Variants in BABAM2 observed in about 807,000 individuals in gnomAD.
BABAM2 encodes BRISC and BRCA1 A complex member 2, also known as BRISC and BRCA1-A complex member 2.
BABAM2 carries 31 observed loss-of-function variants against 54.7 expected under a neutral mutation model. The observed-to-expected ratio is 0.57, with a 90% CI of 0.43 to 0.77. BABAM2 has a LOEUF of 0.77. Ranked by LOEUF, BABAM2 falls within the 30% of genes least tolerant of loss-of-function variation. The pLI is 0.00. For missense variants in BABAM2, 364 were observed against 455.8 expected, an observed-to-expected ratio of 0.80 and a Z score of 1.83; for synonymous variants, 167 against 162.9, an observed-to-expected ratio of 1.03 and a Z score of -0.19.
intron 11 of BABAM2, chr2:28,307,562 G>GGTAA (rs1688668994): frequency 1.3e-5 from 2 of 151,836 alleles, no homozygotes; most frequent in Admixed American, 1.3e-4. Context: ...ACTTATCACA[G>GGTAA]CCTACCGTGA....
chr2:28,201,133 G>A (rs1293290588), intron 7 of BABAM2, among the ~76,000 whole-genome samples: 1 of 152,114 alleles, frequency 6.6e-6, no homozygotes, highest in Non-Finnish European at 1.5e-5. Flanking sequence ...AAGGATCCGT[G>A]TCCTGTGTTC....
intron 7 of BABAM2, among the ~76,000 whole-genome samples, chr2:28,154,467 G>A (rs757422182): frequency 6.6e-6 from 1 of 152,174 alleles, no homozygotes; most frequent in Non-Finnish European, 1.5e-5. Context: ...TGGCATTGCA[G>A]GGTATATCCT....
At chr2:28,173,299 T>C (rs1313654120) in intron 7 of BABAM2, among the ~76,000 whole-genome samples, 1 of 152,206 alleles carries the variant, frequency 6.6e-6, no homozygotes, top group Non-Finnish European at 1.5e-5. Context: ...ACTAACCACA[T>C]ATAAATAAGT....
At chr2:27,897,764 C>T (rs1055336321) in intron 2 of BABAM2, among the ~76,000 whole-genome samples, 9 of 152,032 alleles carry the variant, frequency 5.9e-5, no homozygotes, top group Non-Finnish European at 1.2e-4. Flanking sequence ...GAAATAGAGA[C>T]TGTATATAGG....
intron 3 of BABAM2, among the ~76,000 whole-genome samples, chr2:27,975,218 C>G (rs1671504652): frequency 6.6e-6 from 1 of 151,970 alleles, no homozygotes; most frequent in South Asian, 2.1e-4. Flanking sequence ...CCATCAAAAT[C>G]CCAGCAGGAT....
chr2:27,989,174 C>G (rs1439424423), intron 4 of BABAM2, among the ~76,000 whole-genome samples: 1 of 151,822 alleles, frequency 6.6e-6, no homozygotes, highest in Non-Finnish European at 1.5e-5. Flanking sequence ...CGTATTCACC[C>G]CATATTAAAG....
At chr2:28,076,294 G>T (rs1190486632) in intron 6 of BABAM2, among the ~76,000 whole-genome samples, 1 of 151,602 alleles carries the variant, frequency 6.6e-6, no homozygotes, top group Non-Finnish European at 1.5e-5. Flanking sequence ...GAAAAGAAAA[G>T]AAAATCTCAT....
rs187934417 is a variant in BABAM2, at chr2:28,026,628, T to A, written c.495+1208T>A. Among the ~76,000 whole-genome samples, 16 of 148,988 alleles carry A rather than the reference T, an allele frequency of 1.1e-4. No individual in the cohort carries two copies. The East Asian group carries it at 3.2e-3, about 29-fold the overall frequency. On this transcript the variant is annotated intron_variant, in intron 5 of 11. Coordinates refer to ENST00000379624, the MANE Select transcript of BABAM2 (RefSeq NM_199191.3). ...GGATACCATTAGGAGACATACCTGA[T>A]GTAGATGATGGGTTGATGGGTGCAG...
chr2:27,928,534 CA>C (rs1667873942), intron 2 of BABAM2, among the ~76,000 whole-genome samples: 1 of 152,044 alleles, frequency 6.6e-6, no homozygotes, highest in Non-Finnish European at 1.5e-5. Context: ...TACTTAAAGC[CA>C]AAATTTTTTG....
chr2:28,176,581 A>AAAAAAAAAAC (rs1674985186), intron 7 of BABAM2, among the ~76,000 whole-genome samples: 1 of 143,508 alleles, frequency 7.0e-6, no homozygotes, highest in African/African-American at 2.5e-5. Flanking sequence ...AAAAAAAAAA[A>AAAAAAAAAAC]AAAAAAAAAA....
At chr2:27,973,703 A>G (rs937620270) in intron 3 of BABAM2, among the ~76,000 whole-genome samples, 1 of 152,174 alleles carries the variant, frequency 6.6e-6, no homozygotes, top group Non-Finnish European at 1.5e-5. Flanking sequence ...CTGTGTGTGA[A>G]GTCTCAGGCT....
rs1364349391 is a variant in BABAM2 at position 28,325,895 on chromosome 2, G to A, written c.1089-12555G>A. Reference sequence around the variant, plus strand: ...ACAACCAGGCAAATAACACTTCAAAGCCCTAGAGAGACTCAGGGGAGGGGA... The same window carrying A: ...ACAACCAGGCAAATAACACTTCAAAACCCTAGAGAGACTCAGGGGAGGGGA... On this transcript the variant is annotated intron_variant, in intron 11 of 11. Transcript: ENST00000379624. The surrounding 1 kb of genome is among the most constrained non-coding windows in gnomAD (Gnocchi z 4.3). 1.3e-5 allele frequency among the ~76,000 whole-genome samples: 2 copies of A among 152,226 alleles called. No individual in the cohort carries two copies. Among genetic ancestry groups the A allele is most frequent in the African/African-American group, 4.8e-5 (2 of 41,462 alleles).
chr2:28,287,402 A>G (rs767120778), intron 10 of BABAM2, among the ~76,000 whole-genome samples: 10 of 152,154 alleles, frequency 6.6e-5, no homozygotes, highest in African/African-American at 9.7e-5. Flanking sequence ...CTCTTGCTCA[A>G]TTTCTTTCTG....
At chr2:28,250,846 G>T (rs4666044) in intron 10 of BABAM2, among the ~76,000 whole-genome samples, 60,935 of 151,932 alleles carry the variant, frequency 0.4, 13,935 homozygotes, top group East Asian at 0.99. Flanking sequence ...TGATCTACCC[G>T]CCATGGCTTC....
intron 6 of BABAM2, among the ~76,000 whole-genome samples, chr2:28,109,184 CTTTTTTT>C (rs764380110): frequency 2.0e-5 from 2 of 101,890 alleles, no homozygotes; most frequent in Admixed American, 1.1e-4. Flanking sequence ...GACACATACT[CTTTTTTT>C]TTTTTTTTTT....
At chr2:28,253,566 G>A (rs182750023) in intron 10 of BABAM2, among the ~76,000 whole-genome samples, 1 of 152,280 alleles carries the variant, frequency 6.6e-6, no homozygotes, top group East Asian at 1.9e-4. Context: ...AAATGACAGA[G>A]CTAGTGTTTA....
intron 3 of BABAM2, among the ~76,000 whole-genome samples, chr2:27,949,322 C>T (rs1274466025): frequency 6.6e-6 from 1 of 152,156 alleles, no homozygotes; most frequent in Non-Finnish European, 1.5e-5. Flanking sequence ...CACCTGAGGT[C>T]AGGAGTTTGA....
At chr2:27,985,151 A>G (rs1672314848) in intron 3 of BABAM2, among the ~76,000 whole-genome samples, 4 of 151,008 alleles carry the variant, frequency 2.6e-5, no homozygotes, top group South Asian at 2.1e-4. Context: ...GGCTGGTTCC[A>G]TAGTTTTGCA....
chr2:28,228,969 A>C (rs1248544561), intron 7 of BABAM2, among the ~76,000 whole-genome samples: 1 of 152,132 alleles, frequency 6.6e-6, no homozygotes, highest in East Asian at 1.9e-4. Context: ...CATCTTTCAT[A>C]TTTTTTAAAT....
Sources: allele counts gnomAD v4.1 joint callset (sites outside exome capture counted in the v4.1 genomes callset), GRCh38; gene constraint gnomAD v4.1.1; non-coding constraint Gnocchi (gnomAD v3.1); transcripts MANE v1.5; gene names NCBI Gene and HGNC (gene_info 2026-07-23, HGNC 2026-07-21).